The following ANXA11 variants were observed in gnomAD, a reference collection of about 807,000 sequenced individuals.
The protein encoded by ANXA11 is annexin A11.
ANXA11 carries 57 observed loss-of-function variants against 64.7 expected under a neutral mutation model. The ratio of observed to expected loss-of-function variants is 0.88; its 90% CI spans 0.71 to 1.10. The LOEUF is 1.10. Among genes scored for constraint, ANXA11 ranks in the 50% least tolerant of loss-of-function variants. The pLI, the probability that ANXA11 is intolerant of heterozygous loss-of-function variation, is 0.00. For missense variants in ANXA11, 675 were observed against 670.7 expected (o/e 1.01, Z -0.07); for synonymous variants, 260 against 265.2 (o/e 0.98, Z 0.19).
In ANXA11 at chr10:80,157,382, G is replaced by A. The variant is rs113146309; in HGVS notation, c.1458+259C>T. ...CGGTGATCGGAACGCTGAAGGTCACGGTCAAGGTTGGGGAGGTCCCGAGTG... is the reference window on the plus strand; with the variant it reads ...CGGTGATCGGAACGCTGAAGGTCACAGTCAAGGTTGGGGAGGTCCCGAGTG... On this transcript the variant is annotated intron_variant, in intron 15 of 15. Transcript: ENST00000422982. The A allele has an allele frequency of 5.7e-3, 5,635 of 985,388 alleles. 219 individuals are homozygous for A. The African/African-American group carries it at 0.091, about 16-fold the overall frequency. 61.0% of individuals were successfully genotyped at this position (985,388 alleles called of 1,614,324 possible). A position where few individuals can be genotyped will look rare whatever the true frequency, so the allele number is the denominator to read the frequency against.
chr10:80,171,212 C>A (rs1845962212), intron 3 of ANXA11: 1 of 1,253,724 alleles, frequency 8.0e-7, no homozygotes. Flanking sequence ...CTCTGCCCTC[C>A]CAAGTTCACC....
intron 8 of ANXA11, 105 bp downstream of exon 8, chr10:80,165,979 C>T (rs1160191976): frequency 2.5e-5 from 17 of 685,250 alleles, no homozygotes; most frequent in South Asian, 2.3e-4. Context: ...GAACACAGCA[C>T]GCCATCCAGG....
At chr10:80,191,723 C>T (rs35565616) in intron 1 of ANXA11, among the ~76,000 whole-genome samples, 6,309 of 152,338 alleles carry the variant, frequency 0.041, 169 homozygotes, top group Non-Finnish European at 0.065. Context: ...CTTGGGCCCT[C>T]AGTGGCTTCC....
chr10:80,164,257 G>T, intron 8 of ANXA11, 114 bp from the exon 9 acceptor site: 1 of 725,056 alleles, frequency 1.4e-6, no homozygotes. Context: ...AGAGGCCCCT[G>T]ACACAGAGAC....
intron 1 of ANXA11, among the ~76,000 whole-genome samples, chr10:80,201,360 C>T (rs1169972210): frequency 6.6e-6 from 1 of 152,102 alleles, no homozygotes. Flanking sequence ...CTCAGCTGTT[C>T]GAGGTGAGTT....
chr10:80,154,690 C>G lies in ANXA11; in HGVS notation c.*1163G>C, dbSNP rs1011410509. 6.6e-6 allele frequency: 1 copy of G among 152,266 alleles called. No homozygotes were observed. Among genetic ancestry groups the G allele is most frequent in the African/African-American group, 2.4e-5 (1 of 41,444 alleles). The allele number at this position is 152,266 out of a possible 1,614,324, so 9.4% of individuals were successfully genotyped here. On this transcript the variant is annotated 3_prime_UTR_variant, in exon 16 of 16. Transcript: ENST00000422982. ...CACCACCAACCAACGGGCACAGGGT[C>G]CCCAGAGACCAGAGCCAGGAGCCCC...
intron 1 of ANXA11, among the ~76,000 whole-genome samples, chr10:80,182,347 CAG>C (rs535974382): frequency 8.2e-4 from 125 of 152,104 alleles, no homozygotes; most frequent in African/African-American, 2.9e-3. Flanking sequence ...GAAATTCAAA[CAG>C]AATAGAAACA....
At chr10:80,197,752 C>T (rs1840231700) in intron 1 of ANXA11, among the ~76,000 whole-genome samples, 1 of 152,122 alleles carries the variant, frequency 6.6e-6, no homozygotes, top group South Asian at 2.1e-4. Flanking sequence ...GAAACCCCGT[C>T]TCTACTAAAA....
At chr10:80,197,309 G>A (rs1443268570) in intron 1 of ANXA11, among the ~76,000 whole-genome samples, 3 of 152,116 alleles carry the variant, frequency 2.0e-5, no homozygotes, top group East Asian at 1.9e-4. Context: ...GTTAAACCCC[G>A]GAAAGAGAAG....
chr10:80,195,357 G>T (rs1276368228), intron 1 of ANXA11, among the ~76,000 whole-genome samples: 1 of 152,212 alleles, frequency 6.6e-6, no homozygotes, highest in East Asian at 1.9e-4. Flanking sequence ...TCACTCTGGA[G>T]GAGAAAACAC....
In ANXA11 at chr10:80,159,239, TC is replaced by T. The variant is rs1386412010; in HGVS notation, c.1181-45del. On this transcript the variant is annotated intron_variant, in intron 12 of 15. Coordinates refer to ENST00000422982, the MANE Select transcript of ANXA11 (RefSeq NM_145868.2). The stretch of plus-strand genomic sequence containing the variant: ...CTTATATTATGAACTGAAATGTGTC[TC>T]CCCAAAGTTCATATGTGGAAGTCCC... The T allele has an allele frequency of 2.6e-6, 4 of 1,517,066 alleles. No homozygotes were observed. In the African/African-American group the frequency reaches 5.5e-5, roughly 21 times the overall value. 94.0% of individuals were successfully genotyped at this position (1,517,066 alleles called of 1,614,324 possible).
intron 9 of ANXA11, 30 bp from the exon 10 acceptor site, chr10:80,163,643 C>T (rs1845611233): frequency 1.9e-6 from 3 of 1,541,890 alleles, no homozygotes; most frequent in East Asian, 4.9e-5. Context: ...AAGGTCCATC[C>T]TGTAGCTCTC....
Position 80,169,318 on chromosome 10 carries a change from G to A in ANXA11, c.212C>T (p.Pro71Leu), listed in dbSNP as rs1348189169. Residue 71 changes from proline to leucine, a missense_variant, in exon 5 of 16, where the codon CCC becomes CTC. Physicochemically the swap from Pro to Leu is moderately conservative, Grantham distance 98. Coordinates refer to ENST00000422982, the MANE Select transcript of ANXA11 (RefSeq NM_145868.2). ...CCCAGGGGCCCCAGGGTACAGGTTGGGCATGTTGGCTCCTCCAAATGTCCC... is the reference window on the plus strand; with the variant it reads ...CCCAGGGGCCCCAGGGTACAGGTTGAGCATGTTGGCTCCTCCAAATGTCCC... ...MSGTFGGANM[P>L]NLYPGAPGAG... 6 of 1,610,022 alleles carry A rather than the reference G, an allele frequency of 3.7e-6. No homozygotes were observed. Among genetic ancestry groups the A allele is most frequent in the Non-Finnish European group, 5.1e-6 (6 of 1,179,836 alleles).
chr10:80,186,505 G>A, intron 1 of ANXA11, among the ~76,000 whole-genome samples: 1 of 152,210 alleles, frequency 6.6e-6, no homozygotes, highest in East Asian at 1.9e-4. Context: ...CAAGAGTAGA[G>A]GGGACAGCGA....
intron 1 of ANXA11, among the ~76,000 whole-genome samples, chr10:80,184,045 G>A (rs1271368297): frequency 6.6e-6 from 1 of 152,074 alleles, no homozygotes. Context: ...TTTTGTTATG[G>A]AGCACATATA....
intron 4 of ANXA11, 115 bp from the exon 5 acceptor site, chr10:80,169,473 T>C: frequency 8.1e-7 from 1 of 1,235,210 alleles, no homozygotes; most frequent in Non-Finnish European, 1.1e-6. Context: ...TTGTGGAATA[T>C]GAAGTACCGT....
At chr10:80,202,923 G>A (rs1224322697) in intron 1 of ANXA11, among the ~76,000 whole-genome samples, 6 of 151,704 alleles carry the variant, frequency 4.0e-5, no homozygotes, top group Admixed American at 3.9e-4. Context: ...GTGCATGCCT[G>A]TAATCCCAGC....
Position 80,170,852 on chromosome 10 carries a change from T to C in ANXA11, c.119A>G (p.Asp40Gly), listed in dbSNP as rs1247392012. The C allele has an allele frequency of 1.3e-6, 2 of 1,528,364 alleles. No homozygotes were observed. The highest frequency in any genetic ancestry group is 1.7e-6 in the Non-Finnish European group (2 of 1,143,066). The allele number at this position is 1,528,364 out of a possible 1,614,324, so 94.7% of individuals were successfully genotyped here. A position where few individuals can be genotyped will look rare whatever the true frequency, so the allele number is the denominator to read the frequency against. Residue 40 changes from aspartate to glycine, a missense_variant, in exon 4 of 16, where the codon GAT (aspartate) becomes GGT (glycine). Physicochemically the swap from Asp to Gly is moderately conservative, Grantham distance 94. Transcript: ENST00000422982. ...PPPSMPPIGL[D>G]NVATYAGQFN... ...CTGCCCCGCATAGGTGGCCACGTTA[T>C]CCAGCCCGATGGGGGGCATGCTGGG...
Position 80,184,307 on chromosome 10 carries a change from C to T in ANXA11, c.-57-8152G>A, listed in dbSNP as rs1465681851. 2.0e-5 allele frequency among the ~76,000 whole-genome samples: 3 copies of T among 152,172 alleles called. No individual in the cohort carries two copies. The East Asian group carries it at 5.8e-4, about 29-fold the overall frequency. The stretch of plus-strand genomic sequence containing the variant: ...ATAAAGCCATCATGAGTTGAAAATG[C>T]ATTTAATGCTGGCAACACAGCAGTC... On this transcript the variant is annotated intron_variant, in intron 1 of 15. Coordinates refer to ENST00000422982, the MANE Select transcript of ANXA11 (RefSeq NM_145868.2).
Sources: gnomAD v4.1 joint callset for allele counts (sites outside exome capture counted in the v4.1 genomes callset) on GRCh38, gnomAD v4.1.1 for gene constraint, MANE v1.5 for transcripts, NCBI Gene and HGNC (gene_info 2026-07-23, HGNC 2026-07-21) for gene names.